The following SEMA6A variants were observed in gnomAD, a reference collection of about 807,000 sequenced individuals.
The protein encoded by SEMA6A is semaphorin 6A.
Under a neutral mutation model 96.8 loss-of-function variants are expected in SEMA6A, and 25 were observed. That is an observed-to-expected ratio of 0.26 (90% CI 0.19 to 0.36). SEMA6A has a LOEUF of 0.36. Among genes scored for constraint, SEMA6A ranks in the 10% least tolerant of loss-of-function variants. The pLI, the probability that SEMA6A is intolerant of heterozygous loss-of-function variation, is 1.00. For synonymous variants in SEMA6A, 612 were observed against 518.0 expected, an observed-to-expected ratio of 1.18 and a Z score of -2.46; for missense variants, 1,363 against 1,323.1, an observed-to-expected ratio of 1.03 and a Z score of -0.47.
Position 116,532,981 on chromosome 5 carries a change from C to G in SEMA6A, c.-38-27999G>C, listed in dbSNP as rs559211975. 9.3e-4 allele frequency among the ~76,000 whole-genome samples: 142 copies of G among 152,288 alleles called. 1 individual carries two copies. The South Asian group carries it at 0.011, about 12-fold the overall frequency. Reference sequence around the variant, plus strand: ...AGTGCAGGATCAGGTTTCTCCACCCCCTCTGCCAAGAGATCACAAACACAT... The same window carrying G: ...AGTGCAGGATCAGGTTTCTCCACCCGCTCTGCCAAGAGATCACAAACACAT... On this transcript the variant is annotated intron_variant, in intron 1 of 18. Transcript: ENST00000343348.
rs751059899 is a variant in SEMA6A, at chr5:116,447,587, C to T, written c.2119G>A (p.Gly707Ser). Residue 707 changes from glycine (G) to serine (S), a missense_variant, in exon 19 of 19, where the codon GGC becomes AGC. By Grantham distance (56) the Gly-to-Ser change is moderately conservative (BLOSUM62 0). Coordinates refer to ENST00000343348, the MANE Select transcript of SEMA6A (RefSeq NM_020796.5). ...GSMSSVTKLS[G>S]LFGDTQSKDP... ...TTGGATTGAGTGTCCCCAAAGAGGC[C>T]GCTGAGCTTGGTGACGCTGCTCATG... 14 of 1,614,040 alleles carry T rather than the reference C, an allele frequency of 8.7e-6. No homozygotes were observed. Among genetic ancestry groups the T allele is most frequent in the Admixed American group, 1.7e-5 (1 of 60,028 alleles).
At chr5:116,565,955 T>G (rs1026270137) in intron 1 of SEMA6A, among the ~76,000 whole-genome samples, 1 of 152,160 alleles carries the variant, frequency 6.6e-6, no homozygotes, top group African/African-American at 2.4e-5. Flanking sequence ...CGCTGCAATA[T>G]TAATGAAAAG....
rs1754215321 is a variant in SEMA6A at position 116,446,471 on chromosome 5, C to T, written c.*142G>A. The T allele has an allele frequency of 2.9e-6, 2 of 696,496 alleles. No homozygotes were observed. Among genetic ancestry groups the T allele is most frequent in the African/African-American group, 3.6e-5 (2 of 55,502 alleles). The allele number at this position is 696,496 out of a possible 1,614,324, so 43.1% of individuals were successfully genotyped here. ...AGTTTTCGTGAGTACCCCTGTGTCCCAGAGAGGAGGACCCAGCGTCCTCGG... is the reference window on the plus strand; with the variant it reads ...AGTTTTCGTGAGTACCCCTGTGTCCTAGAGAGGAGGACCCAGCGTCCTCGG... On this transcript the variant is annotated 3_prime_UTR_variant, in exon 19 of 19. Coordinates refer to ENST00000343348, the MANE Select transcript of SEMA6A (RefSeq NM_020796.5).
At chr5:116,457,597 A>G (rs1055568092) in intron 18 of SEMA6A, among the ~76,000 whole-genome samples, 2 of 152,180 alleles carry the variant, frequency 1.3e-5, no homozygotes, top group Non-Finnish European at 2.9e-5. Context: ...CTGTAGACTT[A>G]TAAGAGCTTA....
intron 1 of SEMA6A, among the ~76,000 whole-genome samples, chr5:116,523,176 G>A (rs1429509428): frequency 1.3e-5 from 2 of 152,068 alleles, no homozygotes; most frequent in African/African-American, 4.8e-5. Flanking sequence ...AGGAGCAAAG[G>A]CATGTTTCCT....
chr5:116,463,104 G>T (rs531725909), intron 18 of SEMA6A, among the ~76,000 whole-genome samples: 1 of 152,302 alleles, frequency 6.6e-6, no homozygotes, highest in South Asian at 2.1e-4. Context: ...CAAAGCCCCA[G>T]TGTAAACCCT....
At chr5:116,489,542 C>G (rs1407560362) in intron 7 of SEMA6A, among the ~76,000 whole-genome samples, 2 of 152,216 alleles carry the variant, frequency 1.3e-5, no homozygotes. Context: ...CTGAGAGTAA[C>G]AGCTCCTCTT....
chr5:116,463,423 A>G (rs1755537456), intron 18 of SEMA6A, among the ~76,000 whole-genome samples: 1 of 152,354 alleles, frequency 6.6e-6, no homozygotes, highest in East Asian at 1.9e-4. Flanking sequence ...GTGATTTATA[A>G]AATTCCATTT....
At chr5:116,488,398 G>A (rs922797103) in intron 8 of SEMA6A, among the ~76,000 whole-genome samples, 2 of 152,212 alleles carry the variant, frequency 1.3e-5, no homozygotes, top group African/African-American at 2.4e-5. Context: ...ATCTCTTTCA[G>A]AAGCTTTGCA....
intron 6 of SEMA6A, among the ~76,000 whole-genome samples, chr5:116,494,378 G>A (rs1757475162): frequency 6.6e-6 from 1 of 152,132 alleles, no homozygotes; most frequent in Admixed American, 6.6e-5. Flanking sequence ...TTAATTAAAC[G>A]CCTGTTTGGG....
intron 18 of SEMA6A, among the ~76,000 whole-genome samples, chr5:116,466,000 G>A (rs374226129): frequency 2.7e-5 from 4 of 149,168 alleles, no homozygotes; most frequent in African/African-American, 7.4e-5. Context: ...GAGCTTTCTC[G>A]GGATGGAAAG....
Position 116,443,820 on chromosome 5 carries a change from C to T in SEMA6A, c.*2793G>A, listed in dbSNP as rs1754033484. ...CAAAGGCACACTCGGGTTTATGGAC[C>T]CTCCCCCCACACACAGTGGGGAAAA... is the stretch of plus-strand genomic sequence containing the variant. On this transcript the variant is annotated 3_prime_UTR_variant, in exon 19 of 19. Coordinates refer to ENST00000343348, the MANE Select transcript of SEMA6A (RefSeq NM_020796.5). 6.6e-6 allele frequency: 1 copy of T among 152,476 alleles called. No individual in the cohort carries two copies. Among genetic ancestry groups the T allele is most frequent in the African/African-American group, 2.4e-5 (1 of 41,372 alleles). 9.4% of individuals were successfully genotyped at this position (152,476 alleles called of 1,614,324 possible).
At chr5:116,567,684 G>C (rs1453487989) in intron 1 of SEMA6A, among the ~76,000 whole-genome samples, 3 of 152,158 alleles carry the variant, frequency 2.0e-5, no homozygotes, top group Non-Finnish European at 4.4e-5. Context: ...TGTCAAAAAA[G>C]CATGACCTCC....
chr5:116,496,084 G>A (rs1757586414), intron 5 of SEMA6A, 167 bp downstream of exon 5: 5 of 589,346 alleles, frequency 8.5e-6, no homozygotes, highest in South Asian at 5.9e-5. Context: ...CACATTAAAA[G>A]CAAACTATTT....
intron 18 of SEMA6A, among the ~76,000 whole-genome samples, chr5:116,466,059 TAAAA>T (rs35801222): frequency 1.5e-4 from 14 of 93,622 alleles, no homozygotes; most frequent in Admixed American, 3.6e-4. Context: ...AAAACCAGCT[TAAAA>T]AAAAAAAAAA....
At position 116,562,811 on chromosome 5, in the gene SEMA6A, T is replaced by G. The variant is rs571101188; in HGVS notation, c.-39+11374A>C. ...GGCTGCCCAGGATATGGCTCAGAGG[T>G]GCAAGGAACTGGGTATTACTGCCTT... On this transcript the variant is annotated intron_variant, in intron 1 of 18. Transcript: ENST00000343348. 5 of 717,502 alleles carry G rather than the reference T, an allele frequency of 7.0e-6. No homozygotes were observed. In the African/African-American group the frequency reaches 8.7e-5, roughly 13 times the overall value. 44.4% of individuals were successfully genotyped at this position (717,502 alleles called of 1,614,324 possible). A position where few individuals can be genotyped will look rare whatever the true frequency, so the allele number is the denominator to read the frequency against.
intron 1 of SEMA6A, among the ~76,000 whole-genome samples, chr5:116,530,927 T>C (rs749665676): frequency 6.6e-6 from 1 of 152,212 alleles, no homozygotes; most frequent in Non-Finnish European, 1.5e-5. Flanking sequence ...ATGACTCACT[T>C]AATCCTCACA....
chr5:116,536,311 A>G (rs545734166), intron 1 of SEMA6A: 50 of 152,286 alleles, frequency 3.3e-4, no homozygotes, highest in African/African-American at 1.2e-3. Flanking sequence ...CAAAAAAAAA[A>G]AGAATCCTCT....
chr5:116,530,893 C>G (rs778214698), intron 1 of SEMA6A, among the ~76,000 whole-genome samples: 42 of 152,190 alleles, frequency 2.8e-4, no homozygotes, highest in Admixed American at 7.9e-4. Context: ...GTATGACAGA[C>G]ACAGACCTAG....
Sources: allele counts gnomAD v4.1 joint callset (sites outside exome capture counted in the v4.1 genomes callset), GRCh38; gene constraint gnomAD v4.1.1; transcripts MANE v1.5; gene names NCBI Gene and HGNC (gene_info 2026-07-23, HGNC 2026-07-21).